RELN: variants seen among roughly 807,000 people sequenced by gnomAD.
RELN encodes reelin.
A neutral mutation model predicts 427.6 loss-of-function variants in RELN; 108 were observed. The ratio of observed to expected loss-of-function variants is 0.25; its 90% confidence interval spans 0.22 to 0.30. The LOEUF (loss-of-function observed/expected upper bound fraction) is 0.30. Ranked by LOEUF, RELN falls within the 10% of genes least tolerant of loss-of-function variation. The pLI is 1.00. For synonymous variants in RELN, 1,524 were observed against 1,513.4 expected, an observed-to-expected ratio of 1.01 and a Z score of -0.16; for missense variants, 3,715 against 4,302.8, an observed-to-expected ratio of 0.86 and a Z score of 3.82.
At chr7:103,734,673 C>A (rs1053491935) in intron 6 of RELN, among the ~76,000 whole-genome samples, 37 of 152,098 alleles carry the variant, frequency 2.4e-4, no homozygotes, top group African/African-American at 8.7e-4. Flanking sequence ...TCTCATCACT[C>A]CCTCATGATG....
intron 16 of RELN, among the ~76,000 whole-genome samples, chr7:103,650,027 C>T (rs933302118): frequency 6.7e-6 from 1 of 150,096 alleles, no homozygotes; most frequent in Non-Finnish European, 1.5e-5. Flanking sequence ...AGGTTTTATG[C>T]ATTTTTTATT....
intron 28 of RELN, among the ~76,000 whole-genome samples, chr7:103,580,891 T>C (rs1206413255): frequency 1.3e-5 from 2 of 152,202 alleles, no homozygotes; most frequent in African/African-American, 4.8e-5. Flanking sequence ...TGCCACTTGA[T>C]GTTCTCCAAC....
In RELN at chr7:103,480,868, T is replaced by C. The variant is rs191750304; in HGVS notation, c.10280+2005A>G. 2.0e-5 allele frequency among the ~76,000 whole-genome samples: 3 copies of C among 152,320 alleles called. No individual in the cohort carries two copies. The East Asian group carries it at 5.8e-4, about 29-fold the overall frequency. On this transcript the variant is annotated intron_variant, in intron 63 of 64. Coordinates refer to ENST00000428762, the MANE Select transcript of RELN (RefSeq NM_005045.4). Reference sequence around the variant, plus strand: ...CAAAATGTTTTAGTGCTCTGAGAGTTTGAGATAATAATGCAGGATAAGAAC... The same window carrying C: ...CAAAATGTTTTAGTGCTCTGAGAGTCTGAGATAATAATGCAGGATAAGAAC...
intron 4 of RELN, among the ~76,000 whole-genome samples, chr7:103,768,215 C>T (rs945243975): frequency 5.9e-5 from 9 of 152,132 alleles, no homozygotes; most frequent in African/African-American, 2.2e-4. Context: ...GCATCTTTTA[C>T]TCTCAAAATA....
chr7:103,852,911 C>G (rs1352984207), intron 2 of RELN, among the ~76,000 whole-genome samples: 1 of 151,832 alleles, frequency 6.6e-6, no homozygotes, highest in Non-Finnish European at 1.5e-5. Context: ...AGTGCCTAGA[C>G]AAGACAAATA....
intron 2 of RELN, among the ~76,000 whole-genome samples, chr7:103,872,833 C>A: frequency 6.7e-6 from 1 of 150,064 alleles, no homozygotes; most frequent in Non-Finnish European, 1.5e-5. Context: ...AGTGTTTTTT[C>A]ATGTGTTTTT....
chr7:103,589,477 T>C, intron 28 of RELN, 119 bp downstream of exon 28: 1 of 747,628 alleles, frequency 1.3e-6, no homozygotes, highest in Non-Finnish European at 2.4e-6. Flanking sequence ...TTAAAAATTA[T>C]TTTTCCCAGA....
At chr7:103,782,462 T>A (rs1334711277) in intron 3 of RELN, among the ~76,000 whole-genome samples, 1 of 152,080 alleles carries the variant, frequency 6.6e-6, no homozygotes, top group Non-Finnish European at 1.5e-5. Flanking sequence ...CTTGAAATAA[T>A]AACTATTACT....
intron 10 of RELN, among the ~76,000 whole-genome samples, chr7:103,694,034 AAC>A (rs1833926610): frequency 1.3e-5 from 2 of 152,164 alleles, no homozygotes; most frequent in Non-Finnish European, 2.9e-5. Flanking sequence ...AAGGGAAGCA[AAC>A]AGTGTTTGGG....
At position 103,620,224 on chromosome 7, in the gene RELN, G is replaced by A. The variant is rs1228223339; in HGVS notation, c.2703-8421C>T. 4.6e-4 allele frequency among the ~76,000 whole-genome samples: 70 copies of A among 152,256 alleles called. No homozygotes were observed. Among genetic ancestry groups the A allele is most frequent in the Non-Finnish European group, 2.9e-5 (2 of 68,032 alleles). On this transcript the variant is annotated intron_variant, in intron 20 of 64. Coordinates refer to ENST00000428762, the MANE Select transcript of RELN (RefSeq NM_005045.4). The surrounding 1 kb of genome is among the most constrained non-coding windows in gnomAD (Gnocchi z 4.1). ...TCTCATCTGCTGCCATGTAAGACGTGCCTTTTGCCTTCTGCCATGATTGTG... is the reference window on the plus strand; with the variant it reads ...TCTCATCTGCTGCCATGTAAGACGTACCTTTTGCCTTCTGCCATGATTGTG...
chr7:103,650,439 C>A, intron 15 of RELN, 56 bp from the exon 16 acceptor site: 1 of 1,081,216 alleles, frequency 9.2e-7, no homozygotes, highest in South Asian at 1.2e-5. Flanking sequence ...TCTTTAGAAT[C>A]TATTTTACAT....
At chr7:103,779,691 A>G (rs1240611849) in intron 3 of RELN, among the ~76,000 whole-genome samples, 1 of 152,114 alleles carries the variant, frequency 6.6e-6, no homozygotes, top group African/African-American at 2.4e-5. Flanking sequence ...ATCTCTTTTC[A>G]GAGGAAGAGC....
chr7:103,752,036 T>A (rs1327265743), intron 5 of RELN, among the ~76,000 whole-genome samples: 1 of 152,228 alleles, frequency 6.6e-6, no homozygotes, highest in Admixed American at 6.5e-5. Flanking sequence ...GACTTTTTTA[T>A]TTACAAAGGC....
At chr7:103,718,332 C>CAAAAAA in intron 8 of RELN, among the ~76,000 whole-genome samples, 1 of 130,992 alleles carries the variant, frequency 7.6e-6, no homozygotes, top group Non-Finnish European at 1.7e-5. Context: ...AACAAAGCAG[C>CAAAAAA]AAAAAAAAAA....
At chr7:103,959,327 T>C (rs560788624) in intron 1 of RELN, among the ~76,000 whole-genome samples, 2 of 152,324 alleles carry the variant, frequency 1.3e-5, no homozygotes, top group South Asian at 4.1e-4. Context: ...TCTAGCAGCA[T>C]TCATTCCCTT....
rs76902485 is a variant in RELN, at chr7:103,829,108, G to A, written c.473+4429C>T. Among the ~76,000 whole-genome samples the A allele has an allele frequency of 3.8e-3, 571 of 151,948 alleles. 18 individuals carry two copies. The East Asian group carries it at 0.062, about 17-fold the overall frequency. ...TGCAAACTGAGATAATAATAGTACC[G>A]ACTTTACAGAATCACTGAGAATTAA... On this transcript the variant is annotated intron_variant, in intron 3 of 64. Coordinates refer to ENST00000428762, the MANE Select transcript of RELN (RefSeq NM_005045.4).
At chr7:103,535,209 A>G in intron 46 of RELN, 107 bp downstream of exon 46, 1 of 1,056,340 alleles carries the variant, frequency 9.5e-7, no homozygotes, top group Admixed American at 1.9e-5. Context: ...ACCATTAGCA[A>G]TTAACAAAAC....
At chr7:103,723,245 G>C in intron 7 of RELN, 54 bp from the exon 8 acceptor site, 1 of 1,093,108 alleles carries the variant, frequency 9.1e-7, no homozygotes, top group Non-Finnish European at 1.4e-6. Context: ...AGAAAGAGGA[G>C]AAAGATGCTG....
At chr7:103,583,146 G>T (rs903058797) in intron 28 of RELN, among the ~76,000 whole-genome samples, 2 of 152,100 alleles carry the variant, frequency 1.3e-5, no homozygotes, top group African/African-American at 2.4e-5. Flanking sequence ...TTGTTGAATG[G>T]CAATAATGAG....
Sources: gnomAD v4.1 joint callset for allele counts (sites outside exome capture counted in the v4.1 genomes callset) on GRCh38, gnomAD v4.1.1 for gene constraint, Gnocchi (gnomAD v3.1) non-coding constraint, MANE v1.5 for transcripts, NCBI Gene and HGNC (gene_info 2026-07-23, HGNC 2026-07-21) for gene names.